The following LARP1 variants were observed in gnomAD, a reference collection of about 807,000 sequenced individuals.
LARP1 encodes La ribonucleoprotein 1, translational regulator.
In LARP1, 36 loss-of-function variants were observed where a neutral mutation model predicts 122.7. The ratio of observed to expected loss-of-function variants is 0.29; its 90% CI spans 0.22 to 0.39. The LOEUF (loss-of-function observed/expected upper bound fraction) is 0.39, where lower values mean the gene tolerates loss of function less well. LARP1 is among the 10% of genes least tolerant of loss of function. The pLI is 1.00. For synonymous variants in LARP1, 539 were observed against 528.7 expected (o/e 1.02, Z -0.27); for missense variants, 1,040 against 1,403.6 (o/e 0.74, Z 4.14).
At chr5:154,754,911 T>G (rs916339739), upstream of LARP1, among the ~76,000 whole-genome samples, 2 of 152,042 alleles carry the variant, frequency 1.3e-5, no homozygotes, top group African/African-American at 4.8e-5. Flanking sequence ...CACTAATGGC[T>G]CCTTCCCCTG....
At chr5:154,712,880 C>T (rs1242118946) in exon 1 of LARP1, 3 of 1,566,152 alleles carry the variant, frequency 1.9e-6, no homozygotes, top group African/African-American at 1.4e-5. Context: ...CTGGATGTAC[C>T]TAAACCCTCC....
At chr5:154,711,042 C>T (rs1469640175), upstream of LARP1, among the ~76,000 whole-genome samples, 1 of 151,938 alleles carries the variant, frequency 6.6e-6, no homozygotes, top group African/African-American at 2.4e-5. Context: ...AGGGTCTGTG[C>T]TGACCCCATG....
chr5:154,791,278 A>G (rs1757327512), intron 3 of LARP1, among the ~76,000 whole-genome samples: 1 of 150,680 alleles, frequency 6.6e-6, no homozygotes, highest in South Asian at 2.1e-4. Flanking sequence ...CAATGGTGTA[A>G]TCTCAGCTTA....
Position 154,814,180 on chromosome 5 carries a change from G to T in LARP1, c.*84G>T. On this transcript the variant is annotated 3_prime_UTR_variant, in exon 19 of 19. Transcript: ENST00000518297. Reference sequence around the variant, plus strand: ...GGGGGTGCCCAGTCCCAGGAAAGGGGACAATGAAGGGACAGGCCTGGAGTT... The same window carrying T: ...GGGGGTGCCCAGTCCCAGGAAAGGGTACAATGAAGGGACAGGCCTGGAGTT... 1 of 1,311,722 alleles carries T rather than the reference G, an allele frequency of 7.6e-7. No individual in the cohort carries two copies. Among genetic ancestry groups the T allele is most frequent in the Non-Finnish European group, 1.1e-6 (1 of 930,786 alleles). The allele number at this position is 1,311,722 out of a possible 1,614,324, so 81.3% of individuals were successfully genotyped here.
At chr5:154,760,343 T>C (rs1754351428) in intron 1 of LARP1, among the ~76,000 whole-genome samples, 1 of 152,200 alleles carries the variant, frequency 6.6e-6, no homozygotes, top group South Asian at 2.1e-4. Flanking sequence ...ATCAGGGTAT[T>C]AGACTAGGTC....
Position 154,794,116 on chromosome 5 carries a change from G to A in LARP1, c.1086G>A (p.Gln362=), listed in dbSNP as rs757777766. The A allele has an allele frequency of 5.6e-6, 9 of 1,614,174 alleles. No homozygotes were observed. Among genetic ancestry groups the A allele is most frequent in the Non-Finnish European group, 7.6e-6 (9 of 1,180,018 alleles). ...CCCCCATAGCCCATTTTGACTACCAGTTTGGCTACCGAAAGTTTGATGGTG... is the reference window on the plus strand; with the variant it reads ...CCCCCATAGCCCATTTTGACTACCAATTTGGCTACCGAAAGTTTGATGGTG... ...RGGTRTHFDY[Q]FGYRKFDGVE... Residue 362 remains glutamine (Q), a synonymous_variant, in exon 7 of 19, where the codon CAG becomes CAA. Coordinates refer to ENST00000518297, the MANE Select transcript of LARP1 (RefSeq NM_033551.3).
chr5:154,701,286 C>T (rs967765210), intron 1 of LARP1, among the ~76,000 whole-genome samples: 1 of 152,196 alleles, frequency 6.6e-6, no homozygotes, highest in Non-Finnish European at 1.5e-5. Context: ...CCTATCACTT[C>T]GTTTGTCTGA....
At chr5:154,760,100 C>T (rs1435318765) in intron 1 of LARP1, among the ~76,000 whole-genome samples, 4 of 152,082 alleles carry the variant, frequency 2.6e-5, no homozygotes, top group African/African-American at 4.8e-5. Context: ...CCACCATGCC[C>T]GGCTAATTTT....
At chr5:154,696,272 G>C (rs1024354552) in intron 1 of LARP1, among the ~76,000 whole-genome samples, 1 of 152,086 alleles carries the variant, frequency 6.6e-6, no homozygotes, top group African/African-American at 2.4e-5. Flanking sequence ...TGGGAGAATT[G>C]CTTGAGCCTG....
Position 154,794,277 on chromosome 5 carries a change from G to A in LARP1, c.1232+15G>A. On this transcript the variant is annotated intron_variant, in intron 7 of 18. Coordinates refer to ENST00000518297, the MANE Select transcript of LARP1 (RefSeq NM_033551.3). ...AAGCGCCAGATGTGAGTGTGCGGAAGCCTTCTTACCCTGGAGAAATGAGTG... is the reference window on the plus strand; with the variant it reads ...AAGCGCCAGATGTGAGTGTGCGGAAACCTTCTTACCCTGGAGAAATGAGTG... 1 of 1,612,002 alleles carries A rather than the reference G, an allele frequency of 6.2e-7. No homozygotes were observed. The highest frequency in any genetic ancestry group is 1.3e-5 in the African/African-American group (1 of 75,030).
intron 1 of LARP1, among the ~76,000 whole-genome samples, chr5:154,723,574 CT>C (rs1756017000): frequency 6.6e-6 from 1 of 152,114 alleles, no homozygotes; most frequent in African/African-American, 2.4e-5. Flanking sequence ...GTACCACTTC[CT>C]TCTGACATAT....
intron 1 of LARP1, among the ~76,000 whole-genome samples, chr5:154,727,836 G>A (rs183772826): frequency 1.4e-3 from 212 of 152,264 alleles, no homozygotes; most frequent in African/African-American, 4.6e-3. Flanking sequence ...AGGAGGCCAA[G>A]GTGGGCAGAT....
chr5:154,700,080 G>T (rs1754643371), intron 1 of LARP1, among the ~76,000 whole-genome samples: 1 of 152,180 alleles, frequency 6.6e-6, no homozygotes, highest in Admixed American at 6.5e-5. Context: ...GCAGGGCCTG[G>T]ACTAGGGTGA....
At chr5:154,714,929 T>A (rs1353333994) in intron 1 of LARP1, among the ~76,000 whole-genome samples, 1 of 152,114 alleles carries the variant, frequency 6.6e-6, no homozygotes, top group Non-Finnish European at 1.5e-5. Context: ...CCTATAATCC[T>A]AGCACTTTGG....
chr5:154,800,027 C>G lies in LARP1; in HGVS notation c.1701C>G (p.Ser567=), dbSNP rs770553927. ...AAGTGAAGAAGAGGCCTCGGCCATC[C>G]CCAGCACGGCCCAAGGTGGGTGAGG... ...WIEVKKRPRP[S]PARPKKSEES... The change falls in exon 10 of 19, where the codon TCC becomes TCG. Residue 567 remains serine, a synonymous_variant. Transcript: ENST00000518297. 8.7e-6 allele frequency: 14 copies of G among 1,613,392 alleles called. No homozygotes were observed. The South Asian group carries it at 1.2e-4, about 14-fold the overall frequency.
chr5:154,683,568 C>T (rs1753790070), intron 1 of LARP1, among the ~76,000 whole-genome samples: 1 of 152,160 alleles, frequency 6.6e-6, no homozygotes, highest in South Asian at 2.1e-4. Flanking sequence ...TCCGCTACTC[C>T]CTACTGTTTC....
intron 1 of LARP1, among the ~76,000 whole-genome samples, chr5:154,734,262 A>G (rs1017774051): frequency 1.3e-5 from 2 of 152,200 alleles, no homozygotes; most frequent in Non-Finnish European, 2.9e-5. Flanking sequence ...AAGTATTACT[A>G]TTATTATATT....
At chr5:154,759,243 C>T (rs767677201) in intron 1 of LARP1, among the ~76,000 whole-genome samples, 3 of 152,078 alleles carry the variant, frequency 2.0e-5, no homozygotes, top group Non-Finnish European at 2.9e-5. Context: ...CAGTGCCTGG[C>T]AGGTAGACAT....
At chr5:154,711,223 C>A (rs1755203536), upstream of LARP1, among the ~76,000 whole-genome samples, 1 of 151,502 alleles carries the variant, frequency 6.6e-6, no homozygotes. Context: ...CTCACTGCAA[C>A]CTCCAGCTCC....
Sources: allele counts gnomAD v4.1 joint callset (sites outside exome capture counted in the v4.1 genomes callset), GRCh38; gene constraint gnomAD v4.1.1; transcripts MANE v1.5; gene names NCBI Gene and HGNC (gene_info 2026-07-23, HGNC 2026-07-21).